ATF2: variants seen among roughly 807,000 people sequenced by gnomAD.
ATF2 encodes the protein cyclic AMP-dependent transcription factor ATF-2.
ATF2 carries 24 observed loss-of-function variants against 60.6 expected under a neutral mutation model. That is an observed-to-expected ratio of 0.40 (90% CI 0.29 to 0.56). The LOEUF (loss-of-function observed/expected upper bound fraction) is 0.56. Ranked by LOEUF, ATF2 falls within the 20% of genes least tolerant of loss-of-function variation. ATF2 has a pLI of 0.54. For missense variants in ATF2, 433 were observed against 607.7 expected, an observed-to-expected ratio of 0.71 and a Z score of 3.02; for synonymous variants, 206 against 215.4, an observed-to-expected ratio of 0.96 and a Z score of 0.38.
intron 4 of ATF2, among the ~76,000 whole-genome samples, chr2:175,126,412 C>G (rs934597388): frequency 2.0e-5 from 3 of 151,934 alleles, no homozygotes; most frequent in African/African-American, 7.3e-5. Context: ...GTATTACAAA[C>G]CTCGACAATG....
At chr2:175,094,847 G>A (rs1199821556) in intron 11 of ATF2, among the ~76,000 whole-genome samples, 1 of 152,138 alleles carries the variant, frequency 6.6e-6, no homozygotes, top group African/African-American at 2.4e-5. Flanking sequence ...AGGCTGAGGT[G>A]GGAGAGGATT....
intron 2 of ATF2, among the ~76,000 whole-genome samples, chr2:175,143,693 A>C (rs1249545214): frequency 1.3e-5 from 2 of 152,224 alleles, no homozygotes; most frequent in Admixed American, 1.3e-4. Context: ...AGTAAAAAAA[A>C]CTAATTTTTA....
intron 4 of ATF2, among the ~76,000 whole-genome samples, chr2:175,125,745 A>G (rs1248014722): frequency 6.6e-6 from 1 of 152,138 alleles, no homozygotes; most frequent in Non-Finnish European, 1.5e-5. Context: ...CTTTCGATTA[A>G]TACACAAAAT....
intron 1 of ATF2, among the ~76,000 whole-genome samples, chr2:175,163,454 T>C (rs906085542): frequency 1.3e-5 from 2 of 152,184 alleles, no homozygotes; most frequent in Non-Finnish European, 2.9e-5. Flanking sequence ...TCTGTGGTAA[T>C]AAGCCACTAC....
intron 10 of ATF2, among the ~76,000 whole-genome samples, chr2:175,103,942 A>G (rs1695471193): frequency 6.6e-6 from 1 of 152,078 alleles, no homozygotes; most frequent in South Asian, 2.1e-4. Flanking sequence ...AAAAAGTACT[A>G]TATAGTCTTT....
chr2:175,134,871 G>A (rs1019732242), intron 3 of ATF2, among the ~76,000 whole-genome samples: 1 of 151,800 alleles, frequency 6.6e-6, no homozygotes, highest in South Asian at 2.1e-4. Flanking sequence ...CGTCATGGTG[G>A]TGTACACCTG....
chr2:175,114,088 G>C lies in ATF2; in HGVS notation c.647C>G (p.Pro216Arg). 1 of 1,611,906 alleles carries C rather than the reference G, an allele frequency of 6.2e-7. No homozygotes were observed. The highest frequency in any genetic ancestry group is 8.5e-7 in the Non-Finnish European group (1 of 1,179,128). Reference sequence around the variant, plus strand: ...TCCATTAGGAAGATGTAACAGAAGAGGAAATGGGCCTGGTACAGGGCTAAG... The same window carrying C: ...TCCATTAGGAAGATGTAACAGAAGACGAAATGGGCCTGGTACAGGGCTAAG... ...RPIVPVPGPF[P>R]LLLHLPNGQT... Residue 216 changes from proline to arginine, a missense_variant, in exon 9 of 14, where the codon CCT becomes CGT. Physicochemically the swap from Pro to Arg is moderately radical, Grantham distance 103 (BLOSUM62 -2). Transcript: ENST00000264110.
intron 1 of ATF2, among the ~76,000 whole-genome samples, chr2:175,153,554 G>A (rs149107705): frequency 6.6e-6 from 1 of 152,236 alleles, no homozygotes; most frequent in East Asian, 1.9e-4. Context: ...GGGTGCTGTG[G>A]CTCACACCCT....
At chr2:175,162,944 TA>T (rs1700111587) in intron 1 of ATF2, among the ~76,000 whole-genome samples, 1 of 152,028 alleles carries the variant, frequency 6.6e-6, no homozygotes, top group African/African-American at 2.4e-5. Flanking sequence ...CCATCCTAGC[TA>T]ACACGGTGAA....
chr2:175,118,381 G>A lies in ATF2; in HGVS notation c.200-12C>T, dbSNP rs754164922. 1 of 1,587,100 alleles carries A rather than the reference G, an allele frequency of 6.3e-7. No individual in the cohort carries two copies. The highest frequency in any genetic ancestry group is 8.6e-7 in the Non-Finnish European group (1 of 1,161,906). On this transcript the variant is annotated splice_polypyrimidine_tract_variant and intron_variant, in intron 5 of 13. Coordinates refer to ENST00000264110, the MANE Select transcript of ATF2 (RefSeq NM_001880.4). ...TGTTGGGGTCTGATCTGAAATAAAT[G>A]TCAAGAAGTAATCATGCATATTTAA...
At chr2:175,101,913 A>G (rs1695337253) in intron 10 of ATF2, among the ~76,000 whole-genome samples, 1 of 152,170 alleles carries the variant, frequency 6.6e-6, no homozygotes, top group Non-Finnish European at 1.5e-5. Flanking sequence ...AATTTTTCTA[A>G]AACTACAACA....
chr2:175,093,031 TAAAAC>T (rs771805724), intron 12 of ATF2, 25 bp downstream of exon 12: 16 of 1,583,492 alleles, frequency 1.0e-5, no homozygotes, highest in Non-Finnish European at 1.3e-5. Flanking sequence ...AAAAAAGAAA[TAAAAC>T]AAAATTCACA....
In ATF2 at chr2:175,074,486, AATTTC is replaced by A. The variant is rs1361401552; in HGVS notation, c.*118_*122del. The A allele has an allele frequency of 1.1e-5, 14 of 1,254,154 alleles. No individual in the cohort carries two copies. The highest frequency in any genetic ancestry group is 1.3e-5 in the Non-Finnish European group (12 of 927,384). The allele number at this position is 1,254,154 out of a possible 1,614,324, so 77.7% of individuals were successfully genotyped here. ...CTACACCAACTTTAGAGCCAAATTT[AATTTC>A]AAGTAAAAAAAAAAAATTTACAACC... On this transcript the variant is annotated 3_prime_UTR_variant, in exon 14 of 14. Transcript: ENST00000264110.
At chr2:175,082,644 A>G (rs1023291907) in intron 12 of ATF2, among the ~76,000 whole-genome samples, 1 of 152,152 alleles carries the variant, frequency 6.6e-6, no homozygotes, top group Non-Finnish European at 1.5e-5. Flanking sequence ...TTCAACTCTC[A>G]CTGCTCTTCC....
intron 1 of ATF2, among the ~76,000 whole-genome samples, chr2:175,152,300 A>G (rs1457450031): frequency 6.6e-6 from 1 of 152,204 alleles, no homozygotes; most frequent in Non-Finnish European, 1.5e-5. Flanking sequence ...AGGTGACAAA[A>G]GAAAGGAAAA....
intron 10 of ATF2, among the ~76,000 whole-genome samples, chr2:175,108,396 G>A (rs192686948): frequency 0.098 from 14,512 of 148,344 alleles, 817 homozygotes; most frequent in Middle Eastern, 0.17. Flanking sequence ...CCGGCCAGCC[G>A]CCCCGTCCGG....
intron 11 of ATF2, 67 bp downstream of exon 11, chr2:175,097,367 TAAATAAGCCG>T: frequency 6.5e-7 from 1 of 1,544,514 alleles, no homozygotes; most frequent in Non-Finnish European, 8.7e-7. Flanking sequence ...TAATATTTTT[TAAATAAGCCG>T]TAAGTTACAC....
intron 1 of ATF2, among the ~76,000 whole-genome samples, chr2:175,158,413 G>A (rs181008333): frequency 6.6e-5 from 10 of 151,618 alleles, no homozygotes; most frequent in Middle Eastern, 3.4e-3. Flanking sequence ...TGGAGTGACC[G>A]GTCTCACGAT....
Position 175,097,592 on chromosome 2 carries a change from C to G in ATF2, c.830G>C (p.Arg277Thr). 6.2e-7 allele frequency: 1 copy of G among 1,613,518 alleles called. No homozygotes were observed. Among genetic ancestry groups the G allele is most frequent in the Non-Finnish European group, 8.5e-7 (1 of 1,179,836 alleles). The change falls in exon 11 of 14, where the codon AGA (arginine) becomes ACA (threonine). Residue 277 changes from arginine (R) to threonine (T), a missense_variant and splice_region_variant. Arg to Thr is a moderately conservative substitution (Grantham distance 71, BLOSUM62 -1). This residue lies in a region of ATF2 where 246 missense variants were observed against 309.3 expected (regional missense o/e 0.80). Coordinates refer to ENST00000264110, the MANE Select transcript of ATF2 (RefSeq NM_001880.4). ...TTGCTGGGTCAAAGCAGCTTTTAATCTCTGCAATGCAAACACCATTAAAAA... is the reference window on the plus strand; with the variant it reads ...TTGCTGGGTCAAAGCAGCTTTTAATGTCTGCAATGCAAACACCATTAAAAA... ...PQPVQSEAKM[R>T]LKAALTQQHP...
Sources: gnomAD v4.1 joint callset for allele counts (sites outside exome capture counted in the v4.1 genomes callset) on GRCh38, gnomAD v4.1.1 for gene constraint, gnomAD v4.1.1 regional missense constraint, MANE v1.5 for transcripts, NCBI Gene and HGNC (gene_info 2026-07-23, HGNC 2026-07-21) for gene names.